The following RAD51C variants were observed in gnomAD, a reference collection of about 807,000 sequenced individuals.
RAD51C encodes DNA repair protein RAD51 homolog 3.
Under a neutral mutation model 45.0 loss-of-function variants are expected in RAD51C, and 42 were observed. The observed-to-expected ratio is 0.93, with a 90% CI of 0.73 to 1.21. RAD51C has a LOEUF of 1.21. RAD51C is among the 50% of genes most tolerant of loss of function. The pLI, the probability that RAD51C is intolerant of heterozygous loss-of-function variation, is 0.00. For synonymous variants in RAD51C, 172 were observed against 159.8 expected, an observed-to-expected ratio of 1.08 and a Z score of -0.58; for missense variants, 474 against 452.2, an observed-to-expected ratio of 1.05 and a Z score of -0.44.
intron 5 of RAD51C, 73 bp downstream of exon 5, chr17:58,710,063 C>G (rs748019192): frequency 1.6e-5 from 24 of 1,494,474 alleles, no homozygotes; most frequent in Non-Finnish European, 2.2e-5. Flanking sequence ...CTAGAAATGT[C>G]AAAATAGCGT....
At chr17:58,731,903 T>C (rs2049440301) in intron 7 of RAD51C, among the ~76,000 whole-genome samples, 1 of 152,158 alleles carries the variant, frequency 6.6e-6, no homozygotes, top group Non-Finnish European at 1.5e-5. Flanking sequence ...TTTAAAACAA[T>C]GTCGTCCTAG....
chr17:58,702,427 G>T (rs918898774), intron 3 of RAD51C, among the ~76,000 whole-genome samples: 1 of 152,060 alleles, frequency 6.6e-6, no homozygotes, highest in Admixed American at 6.6e-5. Flanking sequence ...GGTGGTTCAT[G>T]CCTGTAATCC....
intron 4 of RAD51C, among the ~76,000 whole-genome samples, chr17:58,708,087 G>GT (rs1332182637): frequency 6.6e-6 from 1 of 152,158 alleles, no homozygotes; most frequent in Non-Finnish European, 1.5e-5. Context: ...GGTCATGTGT[G>GT]GAGTCATGAA....
In RAD51C at chr17:58,725,846, G is replaced by T. The variant is rs576486494; in HGVS notation, c.965+1746G>T. 5.9e-5 allele frequency among the ~76,000 whole-genome samples: 9 copies of T among 151,992 alleles called. No individual in the cohort carries two copies. In the East Asian group the frequency reaches 1.7e-3, roughly 29 times the overall value. The stretch of plus-strand genomic sequence containing the variant: ...CATCTCTACTAAAAATAAAAAATTA[G>T]CTGGGCGTGATGGCACACACCTTTA... On this transcript the variant is annotated intron_variant, in intron 7 of 8. Transcript: ENST00000337432.
intron 5 of RAD51C, among the ~76,000 whole-genome samples, chr17:58,715,676 C>T (rs1268954256): frequency 6.6e-6 from 1 of 152,022 alleles, no homozygotes; most frequent in African/African-American, 2.4e-5. Flanking sequence ...CCATCAGTAT[C>T]TTTTTAATGA....
intron 5 of RAD51C, among the ~76,000 whole-genome samples, chr17:58,713,387 C>G (rs979067491): frequency 6.6e-6 from 1 of 152,052 alleles, no homozygotes; most frequent in Non-Finnish European, 1.5e-5. Context: ...GTCATCCAGG[C>G]TAGAGTGCAG....
Position 58,734,318 on chromosome 17 carries a change from A to G in RAD51C, c.*96A>G. 1.9e-6 allele frequency: 3 copies of G among 1,538,494 alleles called. No individual in the cohort carries two copies. The highest frequency in any genetic ancestry group is 2.4e-5 in the East Asian group (1 of 40,940). On this transcript the variant is annotated 3_prime_UTR_variant, in exon 9 of 9. Coordinates refer to ENST00000337432, the MANE Select transcript of RAD51C (RefSeq NM_058216.3). The stretch of plus-strand genomic sequence containing the variant: ...ACCTTAAAGTATAAATAAACACACT[A>G]TGGCATGAATGAATCCAGATCATAT...
At chr17:58,697,453 T>C (rs907035779) in intron 3 of RAD51C, among the ~76,000 whole-genome samples, 2 of 150,890 alleles carry the variant, frequency 1.3e-5, no homozygotes, top group Admixed American at 6.6e-5. Context: ...GGAGAATCAC[T>C]TGAACTCAGG....
chr17:58,721,117 C>T (rs1159897393), intron 6 of RAD51C, among the ~76,000 whole-genome samples: 2 of 151,972 alleles, frequency 1.3e-5, no homozygotes, highest in Non-Finnish European at 2.9e-5. Context: ...CCCATCTCTA[C>T]TAAAAATACA....
intron 5 of RAD51C, among the ~76,000 whole-genome samples, chr17:58,717,803 C>T (rs192948528): frequency 1.2e-4 from 18 of 152,102 alleles, no homozygotes; most frequent in Admixed American, 8.5e-4. Context: ...CTAAGGTGCC[C>T]GATGAGAGGT....
chr17:58,696,326 G>T (rs914149729), intron 2 of RAD51C, among the ~76,000 whole-genome samples: 1 of 152,080 alleles, frequency 6.6e-6, no homozygotes, highest in Non-Finnish European at 1.5e-5. Context: ...CTAGCTACTC[G>T]GGCAGCTGAG....
chr17:58,694,144 A>G (rs902420213), intron 1 of RAD51C: 22 of 152,254 alleles, frequency 1.4e-4, no homozygotes, highest in African/African-American at 5.3e-4. Context: ...TTGGAGTGAT[A>G]CATGAATTTT....
At chr17:58,706,168 CCTGT>C (rs2048372416) in intron 4 of RAD51C, 1 of 153,256 alleles carries the variant, frequency 6.5e-6, no homozygotes, top group Non-Finnish European at 1.5e-5. Context: ...GTGGCTCATG[CCTGT>C]AATCCCAGCA....
chr17:58,719,812 T>A (rs1446645457), intron 5 of RAD51C, among the ~76,000 whole-genome samples: 1 of 149,996 alleles, frequency 6.7e-6, no homozygotes, highest in Non-Finnish European at 1.5e-5. Context: ...CACTGCAGGC[T>A]CTGCTCCCCG....
chr17:58,698,252 G>A lies in RAD51C; in HGVS notation c.571+1393G>A, dbSNP rs1316761222. On this transcript the variant is annotated intron_variant, in intron 3 of 8. Coordinates refer to ENST00000337432, the MANE Select transcript of RAD51C (RefSeq NM_058216.3). ...GGCTAGAGTGTAATGGCACAATCTC[G>A]GCTCACTGCAAGCTCTGCCTCCTGG... Among the ~76,000 whole-genome samples, 6 of 145,734 alleles carry A rather than the reference G, an allele frequency of 4.1e-5. No homozygotes were observed. In the East Asian group the frequency reaches 6.1e-4, roughly 15 times the overall value.
At chr17:58,725,828 A>G (rs2049099248) in intron 7 of RAD51C, among the ~76,000 whole-genome samples, 1 of 152,054 alleles carries the variant, frequency 6.6e-6, no homozygotes. Context: ...CCCCATCTCT[A>G]CTAAAAATAA....
chr17:58,694,773 C>A, intron 1 of RAD51C, 158 bp from the exon 2 acceptor site: 1 of 824,460 alleles, frequency 1.2e-6, no homozygotes, highest in Non-Finnish European at 2.0e-6. Flanking sequence ...CTGTGTCCGG[C>A]CAAACTGAAA....
At chr17:58,724,398 T>C (rs954321663) in intron 7 of RAD51C, among the ~76,000 whole-genome samples, 3 of 151,812 alleles carry the variant, frequency 2.0e-5, no homozygotes, top group African/African-American at 7.3e-5. Context: ...TTATTAGCCA[T>C]GTAGAAGGAG....
chr17:58,722,445 G>A (rs1274040466), intron 6 of RAD51C, among the ~76,000 whole-genome samples: 6 of 152,154 alleles, frequency 3.9e-5, no homozygotes, highest in African/African-American at 1.4e-4. Context: ...TGCAGCTGTG[G>A]AATGGAATGT....
Sources: gnomAD v4.1 joint callset for allele counts (sites outside exome capture counted in the v4.1 genomes callset) on GRCh38, gnomAD v4.1.1 for gene constraint, MANE v1.5 for transcripts, NCBI Gene and HGNC (gene_info 2026-07-23, HGNC 2026-07-21) for gene names.